The following SLC35D1 variants were observed in gnomAD, a reference collection of about 807,000 sequenced individuals.
The protein encoded by SLC35D1 is solute carrier family 35 member D1.
Under a neutral mutation model 46.7 loss-of-function variants are expected in SLC35D1, and 31 were observed. The ratio of observed to expected loss-of-function variants is 0.66; its 90% confidence interval spans 0.50 to 0.90. The LOEUF is 0.90. Ranked by LOEUF, SLC35D1 falls within the 40% of genes least tolerant of loss-of-function variation. SLC35D1 has a pLI of 0.00. For synonymous variants in SLC35D1, 195 were observed against 164.6 expected (o/e 1.18, Z -1.41); for missense variants, 397 against 426.2 (o/e 0.93, Z 0.60).
At chr1:67,043,824 T>C (rs1645221355) in intron 7 of SLC35D1, among the ~76,000 whole-genome samples, 1 of 152,194 alleles carries the variant, frequency 6.6e-6, no homozygotes, top group Admixed American at 6.5e-5. Flanking sequence ...CCACCTTTGA[T>C]TCACACACTT....
intron 8 of SLC35D1, among the ~76,000 whole-genome samples, chr1:67,039,142 G>A (rs1188005408): frequency 2.0e-5 from 3 of 152,082 alleles, no homozygotes; most frequent in Non-Finnish European, 4.4e-5. Flanking sequence ...ATTTAACAGT[G>A]AGACTTTCAG....
chr1:67,033,232 T>C lies in SLC35D1; in HGVS notation c.729+9004A>G, dbSNP rs559884913. On this transcript the variant is annotated intron_variant, in intron 8 of 11. Transcript: ENST00000235345. ...CTCAATATACTGATTTCCTTTCTTT[T>C]GGGTTTTACCCAGCAGTGGGATTGC... Among the ~76,000 whole-genome samples the C allele has an allele frequency of 4.6e-5, 7 of 152,342 alleles. No homozygotes were observed. The South Asian group carries it at 1.4e-3, about 32-fold the overall frequency.
At chr1:66,984,854 C>T in the SLC35D1 span, 3 of 1,607,830 alleles carry the variant, frequency 1.9e-6, no homozygotes, top group Non-Finnish European at 2.5e-6. Context: ...TTCCAAGAAG[C>T]AGTCTCACAT....
intron 8 of SLC35D1, among the ~76,000 whole-genome samples, chr1:67,041,116 T>A (rs1668233714): frequency 6.6e-6 from 1 of 152,210 alleles, no homozygotes. Context: ...ATATTAAATA[T>A]ACAAAGTGAC....
At position 67,053,662 on chromosome 1, in the gene SLC35D1, C is replaced by T. The variant is rs529190829; in HGVS notation, c.203+149G>A. On this transcript the variant is annotated intron_variant, in intron 1 of 11. Coordinates refer to ENST00000235345, the MANE Select transcript of SLC35D1 (RefSeq NM_015139.3). ...CGCCAGGCCGGCTCCGCTGCCCGGG[C>T]CGCGCGCGTCAGCCGCCCGCCCTCC... 1.4e-5 allele frequency: 10 copies of T among 715,898 alleles called. No homozygotes were observed. In the South Asian group the frequency reaches 2.9e-4, roughly 21 times the overall value. 44.3% of individuals were successfully genotyped at this position (715,898 alleles called of 1,614,324 possible). A position where few individuals can be genotyped will look rare whatever the true frequency, so the allele number is the denominator to read the frequency against.
At chr1:66,981,009 T>A in the SLC35D1 span, among the ~76,000 whole-genome samples, 5,984 of 152,264 alleles carry the variant, frequency 0.039, 148 homozygotes, top group Non-Finnish European at 0.054. Flanking sequence ...TTGGCTGACT[T>A]TTATTCTAGT....
chr1:66,995,433 T>TAAAAAAAAAAAAAAAAAAAA (rs541234514), downstream of SLC35D1, among the ~76,000 whole-genome samples: 4 of 35,808 alleles, frequency 1.1e-4, 1 homozygote, highest in Non-Finnish European at 1.9e-4. Flanking sequence ...CCTGCTACGC[T>TAAAAAAAAAAAAAAAAAAAA]AAAAAAAAAA....
chr1:67,047,209 T>C (rs1645260991), intron 7 of SLC35D1, 56 bp downstream of exon 7: 4 of 1,377,322 alleles, frequency 2.9e-6, no homozygotes, highest in Non-Finnish European at 4.1e-6. Flanking sequence ...TTTTCTCCTA[T>C]GAATTGACAT....
the SLC35D1 span, chr1:66,986,688 G>T: frequency 2.1e-6 from 1 of 484,248 alleles, no homozygotes; most frequent in South Asian, 3.6e-5. Context: ...TACATTCACT[G>T]TTGTTACATA....
At chr1:67,046,477 T>G (rs1414902681) in intron 7 of SLC35D1, among the ~76,000 whole-genome samples, 1 of 152,212 alleles carries the variant, frequency 6.6e-6, no homozygotes, top group African/African-American at 2.4e-5. Flanking sequence ...GATGTAATTA[T>G]GAGATAAAAA....
At chr1:66,983,758 C>G in the SLC35D1 span, among the ~76,000 whole-genome samples, 2 of 152,104 alleles carry the variant, frequency 1.3e-5, no homozygotes, top group South Asian at 4.1e-4. Flanking sequence ...GACAGAGTCT[C>G]GCTTTGTCGC....
downstream of SLC35D1, among the ~76,000 whole-genome samples, chr1:66,997,715 C>T (rs1415800666): frequency 1.4e-5 from 2 of 144,502 alleles, no homozygotes; most frequent in East Asian, 4.0e-4. Context: ...CATAAAATTA[C>T]AAAATTCTTA....
At position 67,042,397 on chromosome 1, in the gene SLC35D1, C is replaced by G. The variant is rs529929697; in HGVS notation, c.637-69G>C. The stretch of plus-strand genomic sequence containing the variant: ...AGCAGATACAACACTGTACAAAATA[C>G]CACTCAAACTACACATAAATACACA... On this transcript the variant is annotated intron_variant, in intron 7 of 11. Transcript: ENST00000235345. 4.4e-5 allele frequency: 54 copies of G among 1,223,054 alleles called. No homozygotes were observed. The African/African-American group carries it at 7.2e-4, about 16-fold the overall frequency. The allele number at this position is 1,223,054 out of a possible 1,614,324, so 75.8% of individuals were successfully genotyped here. A position where few individuals can be genotyped will look rare whatever the true frequency, so the allele number is the denominator to read the frequency against.
At chr1:67,050,838 C>T (rs746410935) in intron 4 of SLC35D1, among the ~76,000 whole-genome samples, 1 of 152,178 alleles carries the variant, frequency 6.6e-6, no homozygotes, top group East Asian at 1.9e-4. Flanking sequence ...CTTCCCACCC[C>T]CTAGACCACC....
Position 67,000,343 on chromosome 1 carries a change from T to C in SLC35D1, c.*3997A>G, listed in dbSNP as rs906660643. Reference sequence around the variant, plus strand: ...GGGAGTAGGGGGAAGAAAATAATTTTCCTTTATTAAAATGTACTGTCACAA... The same window carrying C: ...GGGAGTAGGGGGAAGAAAATAATTTCCCTTTATTAAAATGTACTGTCACAA... On this transcript the variant is annotated 3_prime_UTR_variant, in exon 12 of 12. Transcript: ENST00000235345. The C allele has an allele frequency of 6.6e-6, 1 of 151,606 alleles. No individual in the cohort carries two copies. The highest frequency in any genetic ancestry group is 2.4e-5 in the African/African-American group (1 of 41,304). The allele number at this position is 151,606 out of a possible 1,614,324, so 9.4% of individuals were successfully genotyped here. A position where few individuals can be genotyped will look rare whatever the true frequency, so the allele number is the denominator to read the frequency against.
downstream of SLC35D1, among the ~76,000 whole-genome samples, chr1:66,999,069 T>A (rs905728946): frequency 1.3e-5 from 2 of 152,174 alleles, no homozygotes; most frequent in African/African-American, 4.8e-5. Context: ...CTCTGCTGAG[T>A]CTGCTTGTAC....
chr1:67,013,466 G>A (rs911500131), intron 10 of SLC35D1, among the ~76,000 whole-genome samples: 1 of 151,824 alleles, frequency 6.6e-6, no homozygotes, highest in Non-Finnish European at 1.5e-5. Context: ...AAGATGGGGG[G>A]ATAAATTGAG....
rs534391513 is a variant in SLC35D1 at position 67,052,655 on chromosome 1, A to C, written c.324+116T>G. 2.3e-5 allele frequency: 22 copies of C among 965,744 alleles called. No individual in the cohort carries two copies. In the African/African-American group the frequency reaches 3.5e-4, roughly 16 times the overall value. The allele number at this position is 965,744 out of a possible 1,614,324, so 59.8% of individuals were successfully genotyped here. A position where few individuals can be genotyped will look rare whatever the true frequency, so the allele number is the denominator to read the frequency against. ...TTTATTCTTTACATTCATTATAACCACTCTAGACTGGGCAATTTTGAGGCT... is the reference window on the plus strand; with the variant it reads ...TTTATTCTTTACATTCATTATAACCCCTCTAGACTGGGCAATTTTGAGGCT... On this transcript the variant is annotated intron_variant, in intron 3 of 11. Coordinates refer to ENST00000235345, the MANE Select transcript of SLC35D1 (RefSeq NM_015139.3).
chr1:67,042,424 A>G (rs1170345452), intron 7 of SLC35D1, 96 bp from the exon 8 acceptor site: 2 of 978,464 alleles, frequency 2.0e-6, no homozygotes, highest in African/African-American at 3.2e-5. Flanking sequence ...AAATACACAA[A>G]CACACACACC....
Sources: gnomAD v4.1 joint callset for allele counts (sites outside exome capture counted in the v4.1 genomes callset) on GRCh38, gnomAD v4.1.1 for gene constraint, MANE v1.5 for transcripts, NCBI Gene and HGNC (gene_info 2026-07-23, HGNC 2026-07-21) for gene names.